UGCG: variants seen among roughly 807,000 people sequenced by gnomAD.
UGCG encodes the protein ceramide glucosyltransferase.
Under a neutral mutation model 49.5 loss-of-function variants are expected in UGCG, and 10 were observed. The ratio of observed to expected loss-of-function variants is 0.20; its 90% CI spans 0.12 to 0.34. The LOEUF (loss-of-function observed/expected upper bound fraction) is 0.34. Among genes scored for constraint, UGCG ranks in the 10% least tolerant of loss-of-function variants. The pLI is 1.00. For missense variants in UGCG, 312 were observed against 483.7 expected, an observed-to-expected ratio of 0.65 and a Z score of 3.33; for synonymous variants, 182 against 158.2, an observed-to-expected ratio of 1.15 and a Z score of -1.13.
chr9:111,921,047 C>T (rs1044512077), intron 2 of UGCG, among the ~76,000 whole-genome samples: 2 of 151,892 alleles, frequency 1.3e-5, no homozygotes, highest in Non-Finnish European at 2.9e-5. Context: ...GGATTATAGG[C>T]GCGTGCCACT....
rs1044997423 is a variant in UGCG, at chr9:111,929,538, T to C, written c.597T>C (p.Ser199=). Residue 199 remains serine, a synonymous_variant, in exon 6 of 9, where the codon TCT becomes TCC. Coordinates refer to ENST00000374279, the MANE Select transcript of UGCG (RefSeq NM_003358.3). ...CTTCACATCCAAGATACTATATCTC[T>C]GCCAATGTAACTGGTTTCAAATGTG... ...FGTSHPRYYI[S]ANVTGFKCVT... is the part of the protein sequence containing the mutation. 1.2e-6 allele frequency: 2 copies of C among 1,614,058 alleles called. No homozygotes were observed. Among genetic ancestry groups the C allele is most frequent in the Non-Finnish European group, 8.5e-7 (1 of 1,179,986 alleles).
At position 111,932,159 on chromosome 9, in the gene UGCG, T is replaced by G. The variant is rs1381240310; in HGVS notation, c.825-11T>G. The stretch of plus-strand genomic sequence containing the variant: ...ATATTGTTTTAAAGAAAATCCTTTT[T>G]GTTTTTCCAGGTGGACCAAACTACG... On this transcript the variant is annotated splice_polypyrimidine_tract_variant and intron_variant, in intron 7 of 8. Coordinates refer to ENST00000374279, the MANE Select transcript of UGCG (RefSeq NM_003358.3). The G allele has an allele frequency of 6.2e-7, 1 of 1,612,740 alleles. No individual in the cohort carries two copies. The highest frequency in any genetic ancestry group is 1.3e-5 in the African/African-American group (1 of 74,978).
At chr9:111,920,375 C>A (rs984664855) in intron 2 of UGCG, among the ~76,000 whole-genome samples, 4 of 151,998 alleles carry the variant, frequency 2.6e-5, no homozygotes, top group Non-Finnish European at 5.9e-5. Flanking sequence ...TTTTTATTTT[C>A]CCCGAGACGG....
In UGCG at chr9:111,933,569, C is replaced by T. The variant is rs777413987; in HGVS notation, c.*572C>T. The T allele has an allele frequency of 8.6e-5, 13 of 151,978 alleles. No homozygotes were observed. The highest frequency in any genetic ancestry group is 1.5e-4 in the Non-Finnish European group (10 of 68,014). 9.4% of individuals were successfully genotyped at this position (151,978 alleles called of 1,614,324 possible). ...TATAAATTGTAATAAGATAGCTAGG[C>T]CTTGCAGAAACAAACAGAAAAACTT... On this transcript the variant is annotated 3_prime_UTR_variant, in exon 9 of 9. Transcript: ENST00000374279.
chr9:111,905,330 G>A (rs1051332177), intron 1 of UGCG, among the ~76,000 whole-genome samples: 1 of 152,134 alleles, frequency 6.6e-6, no homozygotes, highest in African/African-American at 2.4e-5. Context: ...AGCATTCAGT[G>A]TTATTCTTTC....
At chr9:111,931,552 C>T (rs1315008682) in intron 7 of UGCG, among the ~76,000 whole-genome samples, 195 bp downstream of exon 7, 1 of 152,098 alleles carries the variant, frequency 6.6e-6, no homozygotes, top group Non-Finnish European at 1.5e-5. Context: ...CTGTATAACA[C>T]TGAAAGCACT....
chr9:111,925,000 C>G (rs1838292261), intron 4 of UGCG, 122 bp downstream of exon 4: 3 of 439,558 alleles, frequency 6.8e-6, no homozygotes, highest in Non-Finnish European at 1.1e-5. Context: ...ATTTCATCAT[C>G]ATTTCATGGT....
chr9:111,902,698 C>T (rs760584384), intron 1 of UGCG, among the ~76,000 whole-genome samples: 1 of 152,120 alleles, frequency 6.6e-6, no homozygotes, highest in Non-Finnish European at 1.5e-5. Flanking sequence ...ATAAAAACAA[C>T]ACATTCTGGG....
At chr9:111,899,333 A>G (rs1030955663) in intron 1 of UGCG, among the ~76,000 whole-genome samples, 1 of 152,260 alleles carries the variant, frequency 6.6e-6, no homozygotes, top group Non-Finnish European at 1.5e-5. Context: ...ATTTTGCCTT[A>G]CAAACACTAA....
intron 1 of UGCG, among the ~76,000 whole-genome samples, chr9:111,909,316 A>C (rs1407644343): frequency 1.3e-5 from 2 of 152,244 alleles, no homozygotes; most frequent in East Asian, 3.8e-4. Context: ...GGGATTTAAA[A>C]AAATTTTTTT....
chr9:111,924,008 G>A (rs537068827), intron 3 of UGCG, among the ~76,000 whole-genome samples: 1 of 152,010 alleles, frequency 6.6e-6, no homozygotes, highest in South Asian at 2.1e-4. Context: ...TACTGGTCTC[G>A]AAGTCCTGAC....
At chr9:111,901,928 C>A (rs1326559083) in intron 1 of UGCG, among the ~76,000 whole-genome samples, 1 of 152,180 alleles carries the variant, frequency 6.6e-6, no homozygotes. Flanking sequence ...AATCTTGGAT[C>A]ACAGTAGCTT....
chr9:111,913,972 C>T (rs1310692318), intron 1 of UGCG, among the ~76,000 whole-genome samples: 1 of 152,064 alleles, frequency 6.6e-6, no homozygotes, highest in Non-Finnish European at 1.5e-5. Flanking sequence ...TCCAGTTGTC[C>T]CATTATCTTG....
chr9:111,914,455 CT>C (rs1785339457), intron 1 of UGCG, 149 bp from the exon 2 acceptor site: 2 of 713,966 alleles, frequency 2.8e-6, no homozygotes, highest in Non-Finnish European at 2.2e-6. Flanking sequence ...CCTGGTTCTA[CT>C]TCCCTTCATG....
Position 111,924,848 on chromosome 9 carries a change from C to A in UGCG, c.415C>A (p.Leu139Ile). The A allele has an allele frequency of 5.2e-6, 8 of 1,529,222 alleles. No individual in the cohort carries two copies. The highest frequency in any genetic ancestry group is 7.0e-6 in the Non-Finnish European group (8 of 1,145,232). The allele number at this position is 1,529,222 out of a possible 1,614,324, so 94.7% of individuals were successfully genotyped here. ...AGGATATGAAGTTGCAAAGTATGATCTTATATGGATTTGTGATAGTGGAAT... is the reference window on the plus strand; with the variant it reads ...AGGATATGAAGTTGCAAAGTATGATATTATATGGATTTGTGATAGTGGAAT... ...MPGYEVAKYD[L>I]IWICDSGIRV... Residue 139 changes from leucine to isoleucine, a missense_variant, in exon 4 of 9, where the codon CTT (leucine) becomes ATT (isoleucine). This residue lies in a region of UGCG where 64 missense variants were observed against 67.6 expected (regional missense o/e 0.95). Transcript: ENST00000374279.
intron 1 of UGCG, among the ~76,000 whole-genome samples, chr9:111,912,033 T>TATATATATATATAG (rs1838020029): frequency 2.2e-5 from 3 of 137,596 alleles, no homozygotes; most frequent in African/African-American, 8.1e-5. Flanking sequence ...CAACAGGATA[T>TATATATATATATAG]ATATATATAT....
Position 111,933,552 on chromosome 9 carries a change from G to T in UGCG, c.*555G>T, listed in dbSNP as rs1252217731. 6.6e-6 allele frequency: 1 copy of T among 152,098 alleles called. No homozygotes were observed. The highest frequency in any genetic ancestry group is 1.5e-5 in the Non-Finnish European group (1 of 68,020). The allele number at this position is 152,098 out of a possible 1,614,324, so 9.4% of individuals were successfully genotyped here. The stretch of plus-strand genomic sequence containing the variant: ...AGTTGTTGCAGAGCAAATATAAATT[G>T]TAATAAGATAGCTAGGCCTTGCAGA... On this transcript the variant is annotated 3_prime_UTR_variant, in exon 9 of 9. Transcript: ENST00000374279.
chr9:111,904,707 A>C (rs1453315298), intron 1 of UGCG, among the ~76,000 whole-genome samples: 3 of 152,046 alleles, frequency 2.0e-5, no homozygotes, highest in Non-Finnish European at 4.4e-5. Flanking sequence ...CTAAAAATAC[A>C]AAAAATTAGC....
At chr9:111,922,999 T>C (rs758207446) in intron 3 of UGCG, 48 bp downstream of exon 3, 7 of 1,266,884 alleles carry the variant, frequency 5.5e-6, no homozygotes, top group Non-Finnish European at 8.0e-6. Flanking sequence ...TAGTATTAAG[T>C]ATCAGTAATC....
Sources: allele counts gnomAD v4.1 joint callset (sites outside exome capture counted in the v4.1 genomes callset), GRCh38; gene constraint gnomAD v4.1.1; regional missense constraint gnomAD v4.1.1; transcripts MANE v1.5; gene names NCBI Gene and HGNC (gene_info 2026-07-23, HGNC 2026-07-21).